LITAF: variants seen among roughly 807,000 people sequenced by gnomAD.
LITAF encodes the protein lipopolysaccharide-induced tumor necrosis factor-alpha factor.
In LITAF, 9 loss-of-function variants were observed where a neutral mutation model predicts 14.5. That is an observed-to-expected ratio of 0.62 (90% CI 0.37 to 1.08). The LOEUF is 1.08. Among genes scored for constraint, LITAF ranks in the 50% least tolerant of loss-of-function variants. LITAF has a pLI of 0.01. For missense variants in LITAF, 206 were observed against 213.4 expected, an observed-to-expected ratio of 0.97 and a Z score of 0.22; for synonymous variants, 98 against 88.2, an observed-to-expected ratio of 1.11 and a Z score of -0.62.
intron 3 of LITAF, among the ~76,000 whole-genome samples, chr16:11,606,294 G>A (rs1354256050): frequency 2.6e-5 from 4 of 151,704 alleles, no homozygotes; most frequent in South Asian, 2.1e-4. Flanking sequence ...TCAGCCTCCC[G>A]AGTAGCTGGG....
rs968202504 is a variant in LITAF at position 11,605,497 on chromosome 16, C to T, written c.85+28036G>A. On this transcript the variant is annotated intron_variant, in intron 3 of 3. Coordinates refer to the LITAF transcript ENST00000574848. The surrounding 1 kb of genome is among the most constrained non-coding windows in gnomAD (Gnocchi z 4.7). ...TGTCTCTCTTTACAGCCCAGAGCCG[C>T]ACAGGAGGGAGACTCCTAGGCAGGG... 6.6e-6 allele frequency among the ~76,000 whole-genome samples: 1 copy of T among 151,750 alleles called. No individual in the cohort carries two copies. The highest frequency in any genetic ancestry group is 2.4e-5 in the African/African-American group (1 of 41,274).
At chr16:11,578,704 C>T (rs1311038648) in intron 1 of LITAF, among the ~76,000 whole-genome samples, 1 of 152,224 alleles carries the variant, frequency 6.6e-6, no homozygotes, top group African/African-American at 2.4e-5. Context: ...ATGAGAAGGA[C>T]ACTTCACCTC....
At chr16:11,573,151 A>T (rs1457773560) in intron 1 of LITAF, among the ~76,000 whole-genome samples, 3 of 152,034 alleles carry the variant, frequency 2.0e-5, no homozygotes, top group Non-Finnish European at 4.4e-5. Context: ...GCTGGTCCCA[A>T]ACTCCTGACC....
At chr16:11,573,763 G>A (rs1332035435) in intron 1 of LITAF, among the ~76,000 whole-genome samples, 1 of 138,008 alleles carries the variant, frequency 7.2e-6, no homozygotes, top group East Asian at 2.1e-4. Context: ...GTGCAGTGGC[G>A]CGATCTCGAC....
In LITAF at chr16:11,565,006, C is replaced by CT. The variant is rs34798243; in HGVS notation, c.-5-8272dup. Among the ~76,000 whole-genome samples the CT allele has an allele frequency of 5.4e-3, 734 of 136,342 alleles. 18 individuals are homozygous for CT. The highest frequency in any genetic ancestry group is 0.037 in the East Asian group (174 of 4,706). The allele number at this position is 136,342 out of a possible 152,430, so 89.4% of individuals were successfully genotyped here. A position where few individuals can be genotyped will look rare whatever the true frequency, so the allele number is the denominator to read the frequency against. On this transcript the variant is annotated intron_variant, in intron 1 of 3. Coordinates refer to ENST00000622633, the MANE Select transcript of LITAF (RefSeq NM_001136472.2). ...GAACTTACTAAATGCACTGAATTAT[C>CT]TTTTTTTTTTTTTTTGAGATAGAGT...
chr16:11,564,488 C>A (rs2064421044), intron 1 of LITAF, among the ~76,000 whole-genome samples: 2 of 152,026 alleles, frequency 1.3e-5, no homozygotes, highest in Admixed American at 6.6e-5. Flanking sequence ...TCCTTGCGCG[C>A]CCAAAACGGG....
At chr16:11,601,809 C>T (rs1245526220), upstream of LITAF, among the ~76,000 whole-genome samples, 1 of 152,164 alleles carries the variant, frequency 6.6e-6, no homozygotes, top group Non-Finnish European at 1.5e-5. Flanking sequence ...ATCCGCCTGC[C>T]TAGGCCTCCC....
chr16:11,627,582 G>A (rs998369229), intron 3 of LITAF, among the ~76,000 whole-genome samples: 8 of 152,230 alleles, frequency 5.3e-5, no homozygotes, highest in Non-Finnish European at 7.3e-5. Context: ...GGCGGCTCAC[G>A]CCTGTAATCC....
intron 3 of LITAF, among the ~76,000 whole-genome samples, chr16:11,613,994 T>C (rs1385670717): frequency 6.6e-6 from 1 of 152,196 alleles, no homozygotes; most frequent in Admixed American, 6.6e-5. Flanking sequence ...TTTGGACACT[T>C]GCACATGACT....
intron 1 of LITAF, among the ~76,000 whole-genome samples, chr16:11,573,017 C>T (rs2064570177): frequency 6.6e-6 from 1 of 151,976 alleles, no homozygotes; most frequent in South Asian, 2.1e-4. Context: ...CAACCTCCGC[C>T]TCCCAGGTTC....
Position 11,558,733 on chromosome 16 carries a change from G to A in LITAF, c.-5-1998C>T, listed in dbSNP as rs539590307. On this transcript the variant is annotated intron_variant, in intron 1 of 3. Transcript: ENST00000622633. This position sits in a 1 kb window ranked among gnomAD's most constrained non-coding sequence, Gnocchi z 4.1. ...AAAAACAAACAAACGAAACAAAGTG[G>A]AATAGAGGCGGGGGAGTGAACGTGA... Among the ~76,000 whole-genome samples the A allele has an allele frequency of 1.3e-5, 2 of 152,182 alleles. No individual in the cohort carries two copies. Among genetic ancestry groups the A allele is most frequent in the African/African-American group, 4.8e-5 (2 of 41,532 alleles).
intron 3 of LITAF, among the ~76,000 whole-genome samples, chr16:11,550,143 C>T (rs560072444): frequency 1.6e-4 from 24 of 152,280 alleles, no homozygotes; most frequent in African/African-American, 2.9e-4. Flanking sequence ...GATGGAGTCT[C>T]GCTCTGTCGC....
upstream of LITAF, among the ~76,000 whole-genome samples, chr16:11,599,952 A>G (rs2064917286): frequency 6.6e-6 from 1 of 151,374 alleles, no homozygotes; most frequent in African/African-American, 2.4e-5. Flanking sequence ...AAACACTCCC[A>G]CCCTGTCACC....
At chr16:11,554,215 G>C (rs1179581898) in intron 2 of LITAF, among the ~76,000 whole-genome samples, 1 of 151,998 alleles carries the variant, frequency 6.6e-6, no homozygotes, top group Non-Finnish European at 1.5e-5. Context: ...CTGGACAACA[G>C]AGCGACGCTC....
chr16:11,576,720 C>A (rs1409586743), intron 1 of LITAF, among the ~76,000 whole-genome samples: 1 of 152,134 alleles, frequency 6.6e-6, no homozygotes, highest in Non-Finnish European at 1.5e-5. Flanking sequence ...TGGACACCAG[C>A]AGAACCCAGC....
intron 1 of LITAF, among the ~76,000 whole-genome samples, chr16:11,557,460 T>C (rs1417887239): frequency 6.6e-6 from 1 of 152,166 alleles, no homozygotes; most frequent in Admixed American, 6.5e-5. Context: ...TTTTTTGTTT[T>C]GTTTTATTTT....
chr16:11,624,687 G>C (rs1034162974), intron 3 of LITAF, among the ~76,000 whole-genome samples: 5 of 152,262 alleles, frequency 3.3e-5, no homozygotes, highest in African/African-American at 1.2e-4. Context: ...ATTTCCAACA[G>C]ACTGCAGTTA....
upstream of LITAF, among the ~76,000 whole-genome samples, chr16:11,588,870 T>TC (rs1567255943): frequency 1.3e-5 from 2 of 151,680 alleles, no homozygotes; most frequent in African/African-American, 4.9e-5. Context: ...CTTCCTTCCT[T>TC]CCTTCCTCCC....
intron 3 of LITAF, among the ~76,000 whole-genome samples, chr16:11,627,086 C>T (rs1346790536): frequency 2.6e-5 from 4 of 152,140 alleles, no homozygotes; most frequent in African/African-American, 7.2e-5. Context: ...GCTGCAGACG[C>T]GTCCCTCCTT....
Sources: gnomAD v4.1 joint callset for allele counts (sites outside exome capture counted in the v4.1 genomes callset) on GRCh38, gnomAD v4.1.1 for gene constraint, Gnocchi (gnomAD v3.1) non-coding constraint, MANE v1.5 for transcripts, NCBI Gene and HGNC (gene_info 2026-07-23, HGNC 2026-07-21) for gene names.